Variants in REDIC1 observed in about 807,000 individuals in gnomAD.
REDIC1 encodes HEI10 Interacting Protein 1.
chr12:39,696,997 C>A, the REDIC1 span, among the ~76,000 whole-genome samples: 1 of 152,050 alleles, frequency 6.6e-6, no homozygotes, highest in African/African-American at 2.4e-5. Flanking sequence ...AGAAACATAT[C>A]AATATCCAAG....
At chr12:39,758,195 T>C in the REDIC1 span, 1 of 151,668 alleles carries the variant, frequency 6.6e-6, no homozygotes. Context: ...TTTTTTATTA[T>C]ATGAAATGAC....
chr12:39,870,116 G>T, the REDIC1 span, among the ~76,000 whole-genome samples: 18 of 152,254 alleles, frequency 1.2e-4, no homozygotes, highest in African/African-American at 3.8e-4. Context: ...ACGAACACAG[G>T]TTGCTAGAAA....
chr12:39,639,630 G>T, the REDIC1 span, among the ~76,000 whole-genome samples: 7 of 151,978 alleles, frequency 4.6e-5, no homozygotes, highest in Non-Finnish European at 8.8e-5. Flanking sequence ...TGTGATCTTG[G>T]GGAAGTTACT....
chr12:39,871,454 T>G, the REDIC1 span, among the ~76,000 whole-genome samples: 94 of 150,724 alleles, frequency 6.2e-4, no homozygotes, highest in African/African-American at 2.0e-3. Context: ...AGTTTCTGAA[T>G]CCAAAGTTTT....
At chr12:39,732,610 G>A in the REDIC1 span, among the ~76,000 whole-genome samples, 3 of 152,172 alleles carry the variant, frequency 2.0e-5, no homozygotes, top group Admixed American at 1.3e-4. Flanking sequence ...TAGCAGTATA[G>A]TTTATATAAG....
the REDIC1 span, among the ~76,000 whole-genome samples, chr12:39,678,521 T>C: frequency 1.3e-5 from 2 of 151,300 alleles, no homozygotes; most frequent in African/African-American, 4.9e-5. Context: ...AAAGAAGAAT[T>C]GGTACCAATC....
At chr12:39,667,125 C>T in the REDIC1 span, among the ~76,000 whole-genome samples, 1 of 152,122 alleles carries the variant, frequency 6.6e-6, no homozygotes, top group Non-Finnish European at 1.5e-5. Context: ...AATGTGTTTG[C>T]TCTTGCTTCT....
At chr12:39,820,208 C>A in the REDIC1 span, among the ~76,000 whole-genome samples, 5 of 152,068 alleles carry the variant, frequency 3.3e-5, no homozygotes, top group African/African-American at 1.2e-4. Context: ...ATCCTTGGAA[C>A]TATTTAAGAA....
At chr12:39,786,410 G>A in the REDIC1 span, among the ~76,000 whole-genome samples, 5 of 2,348 alleles carry the variant, frequency 2.1e-3, no homozygotes, top group Admixed American at 0.022. Flanking sequence ...GTGGAACTGT[G>A]AGTCCAGTTA....
At chr12:39,745,371 A>C in the REDIC1 span, among the ~76,000 whole-genome samples, 2 of 152,234 alleles carry the variant, frequency 1.3e-5, no homozygotes, top group African/African-American at 2.4e-5. Flanking sequence ...GTTAAAAATG[A>C]CTTTGGCACC....
At chr12:39,690,508 A>G in the REDIC1 span, among the ~76,000 whole-genome samples, 1 of 152,198 alleles carries the variant, frequency 6.6e-6, no homozygotes, top group African/African-American at 2.4e-5. Context: ...AGTGTTAAAA[A>G]TGAAACCCAC....
the REDIC1 span, among the ~76,000 whole-genome samples, chr12:39,796,639 A>G: frequency 6.6e-6 from 1 of 152,096 alleles, no homozygotes; most frequent in Non-Finnish European, 1.5e-5. Flanking sequence ...AAGGAGAGGA[A>G]ACCCAGGCCT....
the REDIC1 span, among the ~76,000 whole-genome samples, chr12:39,649,292 G>T: frequency 6.6e-6 from 1 of 151,852 alleles, no homozygotes; most frequent in East Asian, 1.9e-4. Context: ...CAAAAAAAGT[G>T]AAAATGATTA....
chr12:39,712,301 CATACATATATATGTATATATACAT>C, the REDIC1 span, among the ~76,000 whole-genome samples: 1 of 75,728 alleles, frequency 1.3e-5, no homozygotes, highest in East Asian at 3.1e-4. Flanking sequence ...TGTATATATA[CATACATATATATGTATATATACAT>C]ATGTTTATAT....
At chr12:39,722,702 A>G in the REDIC1 span, among the ~76,000 whole-genome samples, 1 of 152,154 alleles carries the variant, frequency 6.6e-6, no homozygotes, top group Non-Finnish European at 1.5e-5. Flanking sequence ...TGTAGCAGTT[A>G]AGCTCTGTAA....
chr12:39,797,727 A>AACAC, the REDIC1 span, among the ~76,000 whole-genome samples: 34 of 84,066 alleles, frequency 4.0e-4, no homozygotes, highest in South Asian at 3.5e-3. Context: ...AGTTATGGTA[A>AACAC]ACACACACAC....
At chr12:39,654,639 T>G in the REDIC1 span, among the ~76,000 whole-genome samples, 83 of 152,244 alleles carry the variant, frequency 5.5e-4, no homozygotes, top group Non-Finnish European at 1.1e-3. Context: ...GTTGTTGGAT[T>G]TGGTTTGCTA....
chr12:39,861,918 G>T, the REDIC1 span, among the ~76,000 whole-genome samples: 3 of 152,044 alleles, frequency 2.0e-5, no homozygotes, highest in African/African-American at 7.3e-5. Context: ...GGACGTGCAG[G>T]TCTGTTACAT....
the REDIC1 span, among the ~76,000 whole-genome samples, chr12:39,737,347 C>T: frequency 2.6e-5 from 4 of 152,236 alleles, no homozygotes; most frequent in Admixed American, 6.5e-5. Context: ...TCTAGCATTT[C>T]TTTCACTTCA....
Sources: gnomAD v4.1 joint callset for allele counts (sites outside exome capture counted in the v4.1 genomes callset) on GRCh38, gnomAD v4.1.1 for gene constraint, MANE v1.5 for transcripts, NCBI Gene and HGNC (gene_info 2026-07-23, HGNC 2026-07-21) for gene names.